Variants in GRM8 observed in about 807,000 individuals in gnomAD.
GRM8 encodes the protein glutamate metabotropic receptor 8, also known as metabotropic glutamate receptor 8.
GRM8 carries 47 observed loss-of-function variants against 87.2 expected under a neutral mutation model. The ratio of observed to expected loss-of-function variants is 0.54; its 90% CI spans 0.43 to 0.69. GRM8 has a LOEUF of 0.69. Ranked by LOEUF, GRM8 falls within the 30% of genes least tolerant of loss-of-function variation. The pLI is 0.00. For synonymous variants in GRM8, 396 were observed against 404.5 expected, an observed-to-expected ratio of 0.98 and a Z score of 0.25; for missense variants, 1,019 against 1,139.2, an observed-to-expected ratio of 0.89 and a Z score of 1.52.
intron 8 of GRM8, among the ~76,000 whole-genome samples, chr7:126,576,588 C>G (rs1340830570): frequency 2.0e-5 from 3 of 152,124 alleles, no homozygotes; most frequent in African/African-American, 7.2e-5. Context: ...CGGCCCCCAG[C>G]TTTTAATATC....
intron 7 of GRM8, among the ~76,000 whole-genome samples, chr7:126,624,552 T>C (rs1800480872): frequency 6.6e-6 from 1 of 152,226 alleles, no homozygotes; most frequent in South Asian, 2.1e-4. Context: ...AACTGATCGA[T>C]ATAAATCGCT....
At chr7:126,660,254 T>C (rs990999845) in intron 7 of GRM8, among the ~76,000 whole-genome samples, 1 of 152,208 alleles carries the variant, frequency 6.6e-6, no homozygotes, top group African/African-American at 2.4e-5. Context: ...ATGATTAATC[T>C]GATCTGTGCT....
intron 3 of GRM8, among the ~76,000 whole-genome samples, chr7:126,983,360 C>T (rs906197954): frequency 6.6e-6 from 1 of 152,090 alleles, no homozygotes; most frequent in Non-Finnish European, 1.5e-5. Flanking sequence ...AGTGACAATA[C>T]TTTGCAGGGC....
At chr7:126,664,253 T>C (rs529678727) in intron 7 of GRM8, among the ~76,000 whole-genome samples, 77 of 152,228 alleles carry the variant, frequency 5.1e-4, no homozygotes, top group Non-Finnish European at 8.8e-4. Flanking sequence ...TATCAAATTA[T>C]CAATGTTATC....
chr7:127,080,660 T>A (rs1441793645), intron 3 of GRM8: 1 of 150,254 alleles, frequency 6.7e-6, no homozygotes, highest in South Asian at 2.1e-4. Context: ...AAAAAAAAAA[T>A]GGAGAGATTC....
chr7:126,489,915 T>C (rs1807805071), intron 9 of GRM8, among the ~76,000 whole-genome samples: 1 of 151,876 alleles, frequency 6.6e-6, no homozygotes, highest in Non-Finnish European at 1.5e-5. Flanking sequence ...AACAAATTCC[T>C]CCCCCTCCCC....
At chr7:127,147,877 T>C (rs1389354687) in intron 2 of GRM8, among the ~76,000 whole-genome samples, 1 of 152,100 alleles carries the variant, frequency 6.6e-6, no homozygotes. Flanking sequence ...AAAATTAGTA[T>C]AGAAGAGCAC....
chr7:127,000,797 G>A (rs926611408), intron 3 of GRM8, among the ~76,000 whole-genome samples: 5 of 151,588 alleles, frequency 3.3e-5, no homozygotes, highest in Admixed American at 1.3e-4. Flanking sequence ...ACACGACGAT[G>A]CAAATGTAAT....
intron 2 of GRM8, among the ~76,000 whole-genome samples, chr7:127,181,527 C>A (rs1372056435): frequency 1.3e-5 from 2 of 151,814 alleles, no homozygotes; most frequent in Non-Finnish European, 2.9e-5. Context: ...AAAAAGAGCC[C>A]AAATAGCCAA....
chr7:127,046,179 G>A (rs1201220378), intron 3 of GRM8, among the ~76,000 whole-genome samples: 1 of 152,048 alleles, frequency 6.6e-6, no homozygotes, highest in African/African-American at 2.4e-5. Flanking sequence ...AGACCATCCT[G>A]GCTAACACGG....
Position 126,446,192 on chromosome 7 carries a change from G to A in GRM8, c.2611C>T (p.Gln871Ter). The change falls in exon 10 of 11, where the codon CAA (glutamine) becomes TAA (stop). Residue 871 changes from glutamine to a stop codon, truncating the protein, a stop_gained. Transcript: ENST00000339582. LOFTEE classifies it high-confidence loss of function. ...CCATTTGGTCTGTCATTTCCTTTTT[G>A]GATCAGTTTGCTTTGCATGGTGGCA... ...TAATMQSKLI[Q>*]KGNDRPNGEV... The A allele has an allele frequency of 1.2e-6, 2 of 1,612,886 alleles. No homozygotes were observed. Among genetic ancestry groups the A allele is most frequent in the Non-Finnish European group, 1.7e-6 (2 of 1,179,238 alleles).
At chr7:127,006,169 TC>T (rs1363745294) in intron 3 of GRM8, among the ~76,000 whole-genome samples, 1 of 151,922 alleles carries the variant, frequency 6.6e-6, no homozygotes, top group Non-Finnish European at 1.5e-5. Flanking sequence ...CCCATTCACT[TC>T]ATTTTTCCTC....
At position 126,904,102 on chromosome 7, in the gene GRM8, T is replaced by A. The variant is rs1802440341; in HGVS notation, c.888A>T (p.Lys296Asn). ...DIRRILEAAK[K>N]LNQSGHFLWI... ...AGAGAAAATGCCCACTTTGGTTTAG[T>A]TTTTTTGCTGCTTCCAATATCCTCC... The change falls in exon 5 of 11, where the codon AAA (lysine) becomes AAT (asparagine). Residue 296 changes from lysine (K) to asparagine (N), a missense_variant. Physicochemically the swap from Lys to Asn is moderately conservative, Grantham distance 94. Transcript: ENST00000339582. 6.2e-7 allele frequency: 1 copy of A among 1,610,596 alleles called. No homozygotes were observed. The highest frequency in any genetic ancestry group is 8.5e-7 in the Non-Finnish European group (1 of 1,177,822).
chr7:126,943,795 G>A (rs368206384), intron 3 of GRM8, among the ~76,000 whole-genome samples: 7 of 152,088 alleles, frequency 4.6e-5, no homozygotes, highest in East Asian at 1.9e-4. Flanking sequence ...GAGCTCAATC[G>A]AGAGTAAACA....
intron 9 of GRM8, among the ~76,000 whole-genome samples, chr7:126,519,087 T>C (rs1406581846): frequency 6.6e-6 from 1 of 152,078 alleles, no homozygotes; most frequent in African/African-American, 2.4e-5. Flanking sequence ...AACCTTGTAC[T>C]TGAAAACTAG....
At chr7:126,766,631 T>C (rs117541757) in intron 7 of GRM8, among the ~76,000 whole-genome samples, 4,828 of 152,206 alleles carry the variant, frequency 0.032, 115 homozygotes, top group Non-Finnish European at 0.05. Flanking sequence ...TGGCAATAGC[T>C]AGGCTAAAAA....
intron 2 of GRM8, among the ~76,000 whole-genome samples, chr7:127,201,485 A>G (rs1795588968): frequency 1.3e-5 from 2 of 152,166 alleles, no homozygotes; most frequent in South Asian, 4.1e-4. Context: ...CATGGTTAGA[A>G]TTTGCTAAAA....
At chr7:126,667,707 A>G (rs1055960307) in intron 7 of GRM8, among the ~76,000 whole-genome samples, 1 of 152,334 alleles carries the variant, frequency 6.6e-6, no homozygotes, top group Admixed American at 6.5e-5. Flanking sequence ...ATTTAAAGGC[A>G]AAGCTGTTGG....
intron 3 of GRM8, among the ~76,000 whole-genome samples, chr7:127,077,018 T>A (rs1242396107): frequency 6.6e-6 from 1 of 152,214 alleles, no homozygotes; most frequent in Non-Finnish European, 1.5e-5. Context: ...GACCACTACC[T>A]GCACCCCATA....
Sources: allele counts gnomAD v4.1 joint callset (sites outside exome capture counted in the v4.1 genomes callset), GRCh38; gene constraint gnomAD v4.1.1; transcripts MANE v1.5; gene names NCBI Gene and HGNC (gene_info 2026-07-23, HGNC 2026-07-21).